Variants in MTOR observed in about 807,000 individuals in gnomAD.
The protein encoded by MTOR is serine/threonine-protein kinase mTOR.
In MTOR, 70 loss-of-function variants were observed where a neutral mutation model predicts 319.8. The observed-to-expected ratio is 0.22, with a 90% CI of 0.18 to 0.27. The LOEUF (loss-of-function observed/expected upper bound fraction) is 0.27, where lower values mean the gene tolerates loss of function less well. Ranked by LOEUF, MTOR falls within the 10% of genes least tolerant of loss-of-function variation. MTOR has a pLI of 1.00. For synonymous variants in MTOR, 1,183 were observed against 1,211.4 expected (o/e 0.98, Z 0.49); for missense variants, 1,890 against 3,274.4 (o/e 0.58, Z 10.32).
At chr1:11,255,846 CAAAAAAA>C (rs35904498) in intron 5 of MTOR, 139 bp downstream of exon 5, 2 of 533,616 alleles carry the variant, frequency 3.7e-6, no homozygotes, top group Non-Finnish European at 2.9e-6. Flanking sequence ...GACTCCATCA[CAAAAAAA>C]AAAAAAAAAA....
chr1:11,194,650 C>T (rs778158402), intron 28 of MTOR: 10 of 1,614,202 alleles, frequency 6.2e-6, no homozygotes, highest in Non-Finnish European at 8.5e-6. Flanking sequence ...GTGTGCACAG[C>T]TCCGCAAAGG....
In MTOR at chr1:11,233,268, T is replaced by C. The variant is rs192173265; in HGVS notation, c.2421+130A>G. Reference sequence around the variant, plus strand: ...TCTCTCTGAATCTGTTATGAATGCATTGTTGGCTGGGTTCCGCAATAAATA... The same window carrying C: ...TCTCTCTGAATCTGTTATGAATGCACTGTTGGCTGGGTTCCGCAATAAATA... On this transcript the variant is annotated intron_variant, in intron 15 of 57. Transcript: ENST00000361445. 2,797 of 868,406 alleles carry C rather than the reference T, an allele frequency of 3.2e-3. 68 individuals carry two copies. The highest frequency in any genetic ancestry group is 8.1e-4 in the Non-Finnish European group (439 of 543,384). 53.8% of individuals were successfully genotyped at this position (868,406 alleles called of 1,614,324 possible). A position where few individuals can be genotyped will look rare whatever the true frequency, so the allele number is the denominator to read the frequency against.
At chr1:11,214,989 G>A (rs779925347) in intron 20 of MTOR, among the ~76,000 whole-genome samples, 4 of 152,114 alleles carry the variant, frequency 2.6e-5, no homozygotes, top group Admixed American at 6.6e-5. Context: ...TCCCAGGCTC[G>A]GGGGAGCTCA....
chr1:11,143,003 C>T (rs996324141), intron 34 of MTOR, among the ~76,000 whole-genome samples: 12 of 152,230 alleles, frequency 7.9e-5, no homozygotes, highest in Admixed American at 5.2e-4. Flanking sequence ...AGCAAGCCAT[C>T]CACAAGAGCC....
At chr1:11,169,482 A>G (rs1195577573) in intron 28 of MTOR, among the ~76,000 whole-genome samples, 4 of 152,210 alleles carry the variant, frequency 2.6e-5, no homozygotes. Context: ...TTGGATTTGG[A>G]GTCAGAAGAT....
chr1:11,163,581 G>A (rs1347452806), intron 29 of MTOR, among the ~76,000 whole-genome samples: 1 of 152,144 alleles, frequency 6.6e-6, no homozygotes, highest in Non-Finnish European at 1.5e-5. Flanking sequence ...ATAACAAACT[G>A]TCTCTCAGAC....
intron 24 of MTOR, 29 bp downstream of exon 24, chr1:11,210,785 C>G: frequency 1.3e-6 from 2 of 1,505,440 alleles, no homozygotes; most frequent in Non-Finnish European, 1.8e-6. Context: ...ACAACAGGGA[C>G]TTCAGAACAG....
intron 36 of MTOR, among the ~76,000 whole-genome samples, chr1:11,137,106 T>C (rs1643461700): frequency 7.4e-6 from 1 of 134,474 alleles, no homozygotes; most frequent in Non-Finnish European, 1.5e-5. Flanking sequence ...CCTCCCAAAG[T>C]GCTGGGATCA....
rs551714864 is a variant in MTOR, at chr1:11,223,779, C to A, written c.3030+4889G>T. Among the ~76,000 whole-genome samples, 9 of 152,238 alleles carry A rather than the reference C, an allele frequency of 5.9e-5. No homozygotes were observed. In the South Asian group the frequency reaches 1.9e-3, roughly 32 times the overall value. On this transcript the variant is annotated intron_variant, in intron 19 of 57. Transcript: ENST00000361445. ...ACATGGCCAGGTGCAGTGGTTCACA[C>A]CTGTAATCCCAGCACTTTGGGAGGC...
At chr1:11,176,506 T>C (rs1182719873) in intron 28 of MTOR, among the ~76,000 whole-genome samples, 1 of 152,210 alleles carries the variant, frequency 6.6e-6, no homozygotes, top group African/African-American at 2.4e-5. Flanking sequence ...GTGGACCTTC[T>C]TTCTCCTGTC....
intron 28 of MTOR, 114 bp from the exon 29 acceptor site, chr1:11,167,631 TG>T: frequency 1.3e-6 from 1 of 767,184 alleles, no homozygotes; most frequent in Non-Finnish European, 2.3e-6. Flanking sequence ...GTCTTGCAGA[TG>T]CTGAAAGAGT....
At chr1:11,111,621 C>T (rs906130121) in intron 54 of MTOR, 2 of 158,430 alleles carry the variant, frequency 1.3e-5, no homozygotes, top group Non-Finnish European at 2.8e-5. Flanking sequence ...CCCTACTCCA[C>T]ACGAAAGCAC....
chr1:11,217,729 C>A (rs1378736721), intron 19 of MTOR, among the ~76,000 whole-genome samples: 1 of 151,824 alleles, frequency 6.6e-6, no homozygotes, highest in Non-Finnish European at 1.5e-5. Context: ...CAAATTTTTA[C>A]AGCTCTCTCT....
In MTOR at chr1:11,106,893, G is replaced by A; in HGVS notation, c.*592C>T. 2.9e-6 allele frequency: 4 copies of A among 1,362,878 alleles called. No individual in the cohort carries two copies. The South Asian group carries it at 3.7e-5, about 13-fold the overall frequency. The allele number at this position is 1,362,878 out of a possible 1,614,324, so 84.4% of individuals were successfully genotyped here. A position where few individuals can be genotyped will look rare whatever the true frequency, so the allele number is the denominator to read the frequency against. On this transcript the variant is annotated 3_prime_UTR_variant, in exon 58 of 58. Coordinates refer to ENST00000361445, the MANE Select transcript of MTOR (RefSeq NM_004958.4). ...GCGGTCAGGTCTTGAATTGAAGCGT[G>A]TGAGTCGCAGCATCACTGGGTCTGA...
intron 28 of MTOR, among the ~76,000 whole-genome samples, chr1:11,173,612 A>G (rs1183597947): frequency 6.6e-6 from 1 of 152,138 alleles, no homozygotes; most frequent in Non-Finnish European, 1.5e-5. Context: ...TTCAAAGAAT[A>G]AAGAGATTTT....
At position 11,178,217 on chromosome 1, in the gene MTOR, C is replaced by T. The variant is rs139739227; in HGVS notation, c.4254-10700G>A. ...CTCTGGGAATCCTAGTGCCCAGCCTCGGAGAGGAATACTGCCCAGCGATGA... is the reference window on the plus strand; with the variant it reads ...CTCTGGGAATCCTAGTGCCCAGCCTTGGAGAGGAATACTGCCCAGCGATGA... On this transcript the variant is annotated intron_variant, in intron 28 of 57. Coordinates refer to ENST00000361445, the MANE Select transcript of MTOR (RefSeq NM_004958.4). 7.3e-3 allele frequency among the ~76,000 whole-genome samples: 1,104 copies of T among 152,248 alleles called. 15 individuals carry two copies. Among genetic ancestry groups the T allele is most frequent in the African/African-American group, 0.024 (1,014 of 41,534 alleles).
intron 53 of MTOR, among the ~76,000 whole-genome samples, 161 bp from the exon 54 acceptor site, chr1:11,113,078 A>T (rs1641979401): frequency 6.6e-6 from 1 of 152,250 alleles, no homozygotes; most frequent in Admixed American, 6.5e-5. Context: ...GGTGGGTATT[A>T]GCATGGGATG....
Position 11,127,561 on chromosome 1 carries a change from A to C in MTOR, c.6216+63T>G. The C allele has an allele frequency of 1.4e-6, 2 of 1,383,750 alleles. No individual in the cohort carries two copies. Among genetic ancestry groups the C allele is most frequent in the Non-Finnish European group, 1.9e-6 (2 of 1,030,480 alleles). The allele number at this position is 1,383,750 out of a possible 1,614,324, so 85.7% of individuals were successfully genotyped here. A position where few individuals can be genotyped will look rare whatever the true frequency, so the allele number is the denominator to read the frequency against. ...ATTCTATAAAAACTTTTCTCATTTC[A>C]TTTTTTTTTAGTGGCAGAATATTTC... On this transcript the variant is annotated intron_variant, in intron 44 of 57. Coordinates refer to ENST00000361445, the MANE Select transcript of MTOR (RefSeq NM_004958.4). The surrounding 1 kb of genome is among the most constrained non-coding windows in gnomAD (Gnocchi z 5.5).
chr1:11,121,101 C>G lies in MTOR; in HGVS notation c.6933+145G>C. Reference sequence around the variant, plus strand: ...GTGAACTTGTCTTGCTCACCCATTTCATTTTTGTTAGAAAAGTCTGGACAC... The same window carrying G: ...GTGAACTTGTCTTGCTCACCCATTTGATTTTTGTTAGAAAAGTCTGGACAC... On this transcript the variant is annotated intron_variant, in intron 49 of 57. Coordinates refer to ENST00000361445, the MANE Select transcript of MTOR (RefSeq NM_004958.4). This position sits in a 1 kb window ranked among gnomAD's most constrained non-coding sequence, Gnocchi z 4.9. 1 of 1,082,792 alleles carries G rather than the reference C, an allele frequency of 9.2e-7. No homozygotes were observed. Among genetic ancestry groups the G allele is most frequent in the Non-Finnish European group, 1.3e-6 (1 of 784,334 alleles). The allele number at this position is 1,082,792 out of a possible 1,614,324, so 67.1% of individuals were successfully genotyped here.
Sources: allele counts gnomAD v4.1 joint callset (sites outside exome capture counted in the v4.1 genomes callset), GRCh38; gene constraint gnomAD v4.1.1; non-coding constraint Gnocchi (gnomAD v3.1); transcripts MANE v1.5; gene names NCBI Gene and HGNC (gene_info 2026-07-23, HGNC 2026-07-21).